The following MMP26 variants were observed in gnomAD, a reference collection of about 807,000 sequenced individuals.
MMP26 encodes matrix metalloproteinase-26.
A neutral mutation model predicts 31.0 loss-of-function variants in MMP26; 33 were observed. The ratio of observed to expected loss-of-function variants is 1.06; its 90% CI spans 0.81 to 1.42. MMP26 has a LOEUF of 1.42. MMP26 is among the 40% of genes most tolerant of loss of function. The pLI is 0.00. For missense variants in MMP26, 347 were observed against 316.1 expected, an observed-to-expected ratio of 1.10 and a Z score of -0.74; for synonymous variants, 122 against 114.9, an observed-to-expected ratio of 1.06 and a Z score of -0.40.
intron 2 of MMP26, chr11:4,915,008 A>C: frequency 6.2e-7 from 1 of 1,614,084 alleles, no homozygotes; most frequent in Non-Finnish European, 8.5e-7. Flanking sequence ...AGAGAAGAGG[A>C]TGAGCAGTGA....
At chr11:4,712,524 A>C (rs1847875385) in intron 1 of MMP26, 1 of 152,194 alleles carries the variant, frequency 6.6e-6, no homozygotes, top group Non-Finnish European at 1.5e-5. Context: ...TGAAAGCATA[A>C]ACATAAGTTA....
intron 2 of MMP26, among the ~76,000 whole-genome samples, chr11:4,835,477 G>A (rs562358240): frequency 6.6e-6 from 1 of 152,154 alleles, no homozygotes; most frequent in South Asian, 2.1e-4. Flanking sequence ...GGGAGGATAG[G>A]ATCCTAGACT....
chr11:4,799,289 C>T, intron 2 of MMP26, among the ~76,000 whole-genome samples: 1 of 152,070 alleles, frequency 6.6e-6, no homozygotes, highest in South Asian at 2.1e-4. Context: ...CTGGCAAGGC[C>T]TCAGGATGCT....
chr11:4,925,573 C>T (rs1259747735), intron 2 of MMP26, among the ~76,000 whole-genome samples: 43 of 151,842 alleles, frequency 2.8e-4, no homozygotes, highest in Admixed American at 2.0e-3. Flanking sequence ...AGGTATGCAC[C>T]GTGGGTATGG....
In MMP26 at chr11:4,984,327, T is replaced by C. The variant is rs1846856278; in HGVS notation, c.-144-3741T>C. Among the ~76,000 whole-genome samples, 3 of 152,320 alleles carry C rather than the reference T, an allele frequency of 2.0e-5. No individual in the cohort carries two copies. The South Asian group carries it at 6.2e-4, about 32-fold the overall frequency. ...AAGCCTCATTTCCTTAACTATAAGA[T>C]GAATACTATAAAACACCTACTTCAC... On this transcript the variant is annotated intron_variant, in intron 2 of 7. Transcript: ENST00000380390.
chr11:4,749,422 T>C lies in MMP26; in HGVS notation c.-216-17848T>C, dbSNP rs115591166. 8.0e-3 allele frequency among the ~76,000 whole-genome samples: 1,207 copies of C among 151,662 alleles called. 17 individuals carry two copies. Among genetic ancestry groups the C allele is most frequent in the African/African-American group, 0.027 (1,131 of 41,450 alleles). On this transcript the variant is annotated intron_variant, in intron 1 of 7. Transcript: ENST00000380390. ...TACAAAAATCATTTTTTTCACAGAA[T>C]TAAAAAAAAATCTAAAATTCTTATA...
At chr11:4,981,473 G>A (rs138509565) in intron 2 of MMP26, among the ~76,000 whole-genome samples, 1 of 152,158 alleles carries the variant, frequency 6.6e-6, no homozygotes, top group Non-Finnish European at 1.5e-5. Context: ...CATAAATAAT[G>A]TATGGTAAAA....
chr11:4,848,924 A>G, intron 2 of MMP26: 1 of 1,614,066 alleles, frequency 6.2e-7, no homozygotes, highest in East Asian at 2.2e-5. Context: ...TGTGAGCACC[A>G]GCAAGGGCGA....
intron 2 of MMP26, among the ~76,000 whole-genome samples, chr11:4,959,983 A>G (rs1434285432): frequency 6.6e-6 from 1 of 152,110 alleles, no homozygotes; most frequent in Non-Finnish European, 1.5e-5. Context: ...TACACCTGTG[A>G]CCACTTCTCT....
chr11:4,764,072 T>C (rs1848599373), intron 1 of MMP26, among the ~76,000 whole-genome samples: 1 of 152,232 alleles, frequency 6.6e-6, no homozygotes, highest in Non-Finnish European at 1.5e-5. Context: ...TTTAATCTTT[T>C]CTTCAAAATG....
chr11:4,708,912 A>G (rs989007379), intron 1 of MMP26, among the ~76,000 whole-genome samples: 3 of 152,206 alleles, frequency 2.0e-5, no homozygotes, highest in Non-Finnish European at 4.4e-5. Context: ...CTTCTCAATT[A>G]TTACATGTAT....
At chr11:4,812,744 T>C (rs1327217587) in intron 2 of MMP26, among the ~76,000 whole-genome samples, 2 of 152,194 alleles carry the variant, frequency 1.3e-5, no homozygotes, top group Non-Finnish European at 2.9e-5. Context: ...GATTTCTAGT[T>C]TCCTCTTAAC....
chr11:4,923,752 G>C, intron 2 of MMP26: 1 of 1,614,064 alleles, frequency 6.2e-7, no homozygotes, highest in Non-Finnish European at 8.5e-7. Flanking sequence ...AGATGTGATT[G>C]ACAATGATGC....
intron 2 of MMP26, among the ~76,000 whole-genome samples, chr11:4,958,974 C>T (rs554070873): frequency 6.6e-6 from 1 of 152,032 alleles, no homozygotes; most frequent in African/African-American, 2.4e-5. Context: ...CGCGGTGGCT[C>T]ACGCCTGTAA....
chr11:4,911,777 C>T (rs1850995637), intron 2 of MMP26, among the ~76,000 whole-genome samples: 1 of 152,180 alleles, frequency 6.6e-6, no homozygotes, highest in Non-Finnish European at 1.5e-5. Context: ...ATGTTTCCTT[C>T]AGAGTACTTT....
At chr11:4,774,422 C>A (rs1196802867) in intron 2 of MMP26, among the ~76,000 whole-genome samples, 1 of 152,132 alleles carries the variant, frequency 6.6e-6, no homozygotes, top group Non-Finnish European at 1.5e-5. Flanking sequence ...GCATGAATGT[C>A]TTCTTTTGAG....
intron 2 of MMP26, among the ~76,000 whole-genome samples, chr11:4,841,014 T>G (rs1383585413): frequency 6.6e-6 from 1 of 152,178 alleles, no homozygotes; most frequent in Non-Finnish European, 1.5e-5. Flanking sequence ...AAAATGCGAT[T>G]GGCATACTGA....
chr11:4,757,258 A>G (rs1848516036), intron 1 of MMP26, among the ~76,000 whole-genome samples: 1 of 151,822 alleles, frequency 6.6e-6, no homozygotes, highest in Admixed American at 6.6e-5. Context: ...ATGGTGCTAG[A>G]ACAATTAAAT....
chr11:4,842,413 G>T (rs75223937), intron 2 of MMP26, among the ~76,000 whole-genome samples: 1 of 152,160 alleles, frequency 6.6e-6, no homozygotes. Context: ...AGACTGTACA[G>T]GAGGCAAGGC....
Sources: gnomAD v4.1 joint callset for allele counts (sites outside exome capture counted in the v4.1 genomes callset) on GRCh38, gnomAD v4.1.1 for gene constraint, MANE v1.5 for transcripts, NCBI Gene and HGNC (gene_info 2026-07-23, HGNC 2026-07-21) for gene names.